MIPEP: variants seen among roughly 807,000 people sequenced by gnomAD.
MIPEP encodes the protein mitochondrial intermediate peptidase.
A neutral mutation model predicts 90.3 loss-of-function variants in MIPEP; 79 were observed. That is an observed-to-expected ratio of 0.87 (90% CI 0.73 to 1.05). The LOEUF is 1.05. Among genes scored for constraint, MIPEP ranks in the 50% least tolerant of loss-of-function variants. The pLI, the probability that MIPEP is intolerant of heterozygous loss-of-function variation, is 0.00. For synonymous variants in MIPEP, 334 were observed against 315.8 expected (o/e 1.06, Z -0.61); for missense variants, 940 against 905.6 (o/e 1.04, Z -0.49).
chr13:23,888,779 AGCTAAAGG>A (rs1871643532), intron 1 of MIPEP: 8 of 1,058,382 alleles, frequency 7.6e-6, no homozygotes, highest in Non-Finnish European at 8.0e-6. Flanking sequence ...GTAGCGCTGG[AGCTAAAGG>A]GCTTTAGCAG....
chr13:23,882,610 GT>G (rs1376323802), intron 2 of MIPEP, among the ~76,000 whole-genome samples: 2 of 151,964 alleles, frequency 1.3e-5, no homozygotes, highest in Non-Finnish European at 2.9e-5. Flanking sequence ...CTAAATTTTT[GT>G]TTTCATGTCA....
Position 23,843,421 on chromosome 13 carries a change from A to G in MIPEP, c.1107-1933T>C, listed in dbSNP as rs78659015. Reference sequence around the variant, plus strand: ...CCTCTAAGCTTCCTCACCAATGCACACTAAAATAACTTTTGAGTATTCAAC... The same window carrying G: ...CCTCTAAGCTTCCTCACCAATGCACGCTAAAATAACTTTTGAGTATTCAAC... On this transcript the variant is annotated intron_variant, in intron 10 of 18. Coordinates refer to ENST00000382172, the MANE Select transcript of MIPEP (RefSeq NM_005932.4). Among the ~76,000 whole-genome samples the G allele has an allele frequency of 7.0e-4, 106 of 152,356 alleles. 2 individuals carry two copies. In the East Asian group the frequency reaches 0.013, roughly 19 times the overall value.
chr13:23,761,351 A>G (rs763597483), intron 16 of MIPEP, among the ~76,000 whole-genome samples: 47 of 152,300 alleles, frequency 3.1e-4, no homozygotes, highest in Non-Finnish European at 5.9e-4. Context: ...GACAGCCTAG[A>G]GACGGTGGCA....
chr13:23,784,313 G>C (rs1952812365), intron 16 of MIPEP, among the ~76,000 whole-genome samples: 1 of 152,130 alleles, frequency 6.6e-6, no homozygotes, highest in African/African-American at 2.4e-5. Context: ...GAACAGAACA[G>C]AGCCCTCAGA....
intron 16 of MIPEP, among the ~76,000 whole-genome samples, chr13:23,803,409 A>C (rs1645669449): frequency 1.3e-5 from 2 of 152,264 alleles, no homozygotes; most frequent in South Asian, 4.1e-4. Flanking sequence ...TCAAAAAGAA[A>C]AAATTCTTTT....
At chr13:23,783,253 A>G (rs1392024789) in intron 16 of MIPEP, among the ~76,000 whole-genome samples, 4 of 152,226 alleles carry the variant, frequency 2.6e-5, no homozygotes, top group Non-Finnish European at 4.4e-5. Flanking sequence ...CTTATCCACC[A>G]TGATCAAGTG....
At position 23,851,164 on chromosome 13, in the gene MIPEP, C is replaced by T. The variant is rs543398513; in HGVS notation, c.1106+7696G>A. 1.5e-3 allele frequency among the ~76,000 whole-genome samples: 228 copies of T among 152,332 alleles called. 2 individuals are homozygous for T. Among genetic ancestry groups the T allele is most frequent in the Middle Eastern group, 6.8e-3 (2 of 294 alleles). ...TGGCCCAGAACTGGAGAAATCACCA[C>T]CCCTTTTCTGTCCTGCAGGGATGCA... is the stretch of plus-strand genomic sequence containing the variant. On this transcript the variant is annotated intron_variant, in intron 10 of 18. Coordinates refer to ENST00000382172, the MANE Select transcript of MIPEP (RefSeq NM_005932.4).
intron 8 of MIPEP, 88 bp from the exon 9 acceptor site, chr13:23,862,450 T>C (rs1249554318): frequency 6.8e-6 from 5 of 736,654 alleles, no homozygotes; most frequent in Non-Finnish European, 1.2e-5. Flanking sequence ...TACATTCCAA[T>C]ATTCATAAGA....
chr13:23,770,638 T>A (rs1240572155), intron 16 of MIPEP, among the ~76,000 whole-genome samples: 1 of 152,072 alleles, frequency 6.6e-6, no homozygotes, highest in African/African-American at 2.4e-5. Flanking sequence ...GTGGCTGATG[T>A]CCTGCAATTG....
intron 14 of MIPEP, among the ~76,000 whole-genome samples, chr13:23,818,647 TCA>T (rs890216812): frequency 2.0e-5 from 3 of 152,152 alleles, no homozygotes; most frequent in African/African-American, 7.2e-5. Flanking sequence ...TGGTTACAGT[TCA>T]CATTTGCCTT....
intron 2 of MIPEP, among the ~76,000 whole-genome samples, chr13:23,885,281 T>C (rs1871427168): frequency 6.6e-6 from 1 of 152,130 alleles, no homozygotes; most frequent in Non-Finnish European, 1.5e-5. Flanking sequence ...AGAAGGATGG[T>C]TACCAGAGGC....
At chr13:23,808,410 GT>G (rs1205858127) in intron 15 of MIPEP, among the ~76,000 whole-genome samples, 1 of 151,962 alleles carries the variant, frequency 6.6e-6, no homozygotes, top group African/African-American at 2.4e-5. Flanking sequence ...TAAAAACACT[GT>G]TTATGTCCCC....
intron 2 of MIPEP, among the ~76,000 whole-genome samples, chr13:23,882,494 A>G (rs1391947840): frequency 6.6e-6 from 1 of 152,198 alleles, no homozygotes; most frequent in African/African-American, 2.4e-5. Context: ...ATGAGTTCGT[A>G]GTCTCCATGT....
At chr13:23,753,860 T>C (rs1278109275) in intron 18 of MIPEP, among the ~76,000 whole-genome samples, 1 of 152,190 alleles carries the variant, frequency 6.6e-6, no homozygotes, top group African/African-American at 2.4e-5. Flanking sequence ...CCTATTTGAC[T>C]TCTCTGAATT....
chr13:23,880,571 T>C (rs1209883773), intron 3 of MIPEP, among the ~76,000 whole-genome samples: 1 of 152,162 alleles, frequency 6.6e-6, no homozygotes, highest in Non-Finnish European at 1.5e-5. Context: ...GCAGAGAGCC[T>C]CGAGCAGGCA....
At chr13:23,854,048 A>T (rs74553290) in intron 10 of MIPEP, among the ~76,000 whole-genome samples, 1 of 151,548 alleles carries the variant, frequency 6.6e-6, no homozygotes. Context: ...GTAATTGGCC[A>T]GGCGCGGTGG....
intron 7 of MIPEP, among the ~76,000 whole-genome samples, chr13:23,866,643 G>A (rs959502619): frequency 2.6e-5 from 4 of 152,164 alleles, no homozygotes; most frequent in Non-Finnish European, 5.9e-5. Context: ...ATCTGGCAGC[G>A]TTAACTAGCA....
In MIPEP at chr13:23,789,194, TCACAG is replaced by T. The variant is rs574335238; in HGVS notation, c.1848+16751_1848+16755del. On this transcript the variant is annotated intron_variant, in intron 16 of 18. Transcript: ENST00000382172. ...TATGCAGCAAAACGTAAACCATATG[TCACAG>T]ATGTTATAATTTAAAAAAACCAGTT... Among the ~76,000 whole-genome samples, 16 of 75,852 alleles carry T rather than the reference TCACAG, an allele frequency of 2.1e-4. No individual in the cohort carries two copies. In the East Asian group the frequency reaches 7.3e-3, roughly 35 times the overall value. The allele number at this position is 75,852 out of a possible 152,430, so 49.8% of individuals were successfully genotyped here.
intron 1 of MIPEP, chr13:23,887,966 C>CCATATTGCTCTCGGGAATA (rs1871580713): frequency 3.1e-6 from 1 of 326,538 alleles, no homozygotes; most frequent in Admixed American, 4.4e-5. Flanking sequence ...TACAACCTGC[C>CCATATTGCTCTCGGGAATA]CATATTGCTC....
Sources: gnomAD v4.1 joint callset for allele counts (sites outside exome capture counted in the v4.1 genomes callset) on GRCh38, gnomAD v4.1.1 for gene constraint, MANE v1.5 for transcripts, NCBI Gene and HGNC (gene_info 2026-07-23, HGNC 2026-07-21) for gene names.